Variants in MACROD2 observed in about 807,000 individuals in gnomAD.
The protein encoded by MACROD2 is mono-ADP ribosylhydrolase 2.
In MACROD2, 36 loss-of-function variants were observed where a neutral mutation model predicts 70.4. The observed-to-expected ratio is 0.51, with a 90% CI of 0.39 to 0.68. MACROD2 has a LOEUF of 0.68. Among genes scored for constraint, MACROD2 ranks in the 30% least tolerant of loss-of-function variants. The pLI, the probability that MACROD2 is intolerant of heterozygous loss-of-function variation, is 0.00. For missense variants in MACROD2, 496 were observed against 538.4 expected (o/e 0.92, Z 0.78); for synonymous variants, 172 against 178.8 (o/e 0.96, Z 0.30).
chr20:15,534,853 C>T (rs1257386328), intron 8 of MACROD2, among the ~76,000 whole-genome samples: 2 of 152,168 alleles, frequency 1.3e-5, no homozygotes, highest in Non-Finnish European at 2.9e-5. Flanking sequence ...CTAAATTCTA[C>T]TCTACATTCT....
chr20:14,070,338 TG>T (rs2053821371), intron 2 of MACROD2, among the ~76,000 whole-genome samples: 1 of 152,004 alleles, frequency 6.6e-6, no homozygotes, highest in Non-Finnish European at 1.5e-5. Context: ...TGTGTGTGTG[TG>T]TGTGTAATCT....
At chr20:15,449,701 C>T (rs2046614914) in intron 7 of MACROD2, among the ~76,000 whole-genome samples, 2 of 152,008 alleles carry the variant, frequency 1.3e-5, no homozygotes, top group Non-Finnish European at 2.9e-5. Flanking sequence ...ACATTTTAAA[C>T]ATGCACAGAG....
chr20:14,907,055 C>T (rs944085333), intron 5 of MACROD2, among the ~76,000 whole-genome samples: 4 of 152,140 alleles, frequency 2.6e-5, no homozygotes, highest in African/African-American at 9.7e-5. Flanking sequence ...TAAAACAGGA[C>T]CAGAGTGGAA....
intron 6 of MACROD2, among the ~76,000 whole-genome samples, chr20:15,362,548 AT>A (rs577585510): frequency 2.0e-5 from 3 of 151,494 alleles, no homozygotes; most frequent in Admixed American, 6.6e-5. Flanking sequence ...CATCGATACA[AT>A]TTTTTTTTCT....
intron 6 of MACROD2, among the ~76,000 whole-genome samples, chr20:15,326,872 A>T (rs996257332): frequency 1.3e-5 from 2 of 152,164 alleles, no homozygotes; most frequent in South Asian, 4.1e-4. Flanking sequence ...AAACTGGTGG[A>T]GAGCAAATCA....
chr20:14,074,444 G>T (rs1006697335), intron 2 of MACROD2, among the ~76,000 whole-genome samples: 4 of 152,148 alleles, frequency 2.6e-5, no homozygotes, highest in African/African-American at 7.2e-5. Flanking sequence ...TGATGAGTCT[G>T]ACTCCTAAAC....
At chr20:14,995,974 G>T (rs145745271) in intron 5 of MACROD2, among the ~76,000 whole-genome samples, 1 of 152,238 alleles carries the variant, frequency 6.6e-6, no homozygotes, top group East Asian at 1.9e-4. Context: ...AAATTTCTGC[G>T]CTGGAAAACA....
At chr20:15,523,704 G>A (rs1453771970) in intron 8 of MACROD2, among the ~76,000 whole-genome samples, 1 of 152,174 alleles carries the variant, frequency 6.6e-6, no homozygotes, top group African/African-American at 2.4e-5. Flanking sequence ...CTGTGGTTTA[G>A]AATAGACTGG....
intron 8 of MACROD2, among the ~76,000 whole-genome samples, chr20:15,691,311 T>C (rs1437986071): frequency 1.3e-5 from 2 of 152,226 alleles, no homozygotes; most frequent in Admixed American, 6.5e-5. Context: ...TCAGGTTATT[T>C]GTAAATTAAT....
chr20:14,720,478 G>T (rs1469091302), intron 5 of MACROD2, among the ~76,000 whole-genome samples: 1 of 143,790 alleles, frequency 7.0e-6, no homozygotes, highest in African/African-American at 2.6e-5. Context: ...TAGCATTTTG[G>T]CCTAAAGGTA....
chr20:14,856,354 G>A (rs1600728893), intron 5 of MACROD2, among the ~76,000 whole-genome samples: 1 of 152,100 alleles, frequency 6.6e-6, no homozygotes, highest in Admixed American at 6.6e-5. Context: ...TTGGATAAAG[G>A]TTTAATAAAA....
intron 9 of MACROD2, among the ~76,000 whole-genome samples, chr20:15,882,774 G>A (rs975181856): frequency 1.6e-4 from 25 of 152,162 alleles, no homozygotes; most frequent in African/African-American, 4.1e-4. Context: ...AAATCAGTGC[G>A]TGAATGAAGT....
intron 8 of MACROD2, among the ~76,000 whole-genome samples, chr20:15,710,771 T>G (rs2050614718): frequency 6.6e-6 from 1 of 152,230 alleles, no homozygotes; most frequent in Non-Finnish European, 1.5e-5. Context: ...CACTGCTGTT[T>G]TTGGCGGAAA....
intron 5 of MACROD2, among the ~76,000 whole-genome samples, chr20:14,799,126 T>TA (rs1175163110): frequency 1.3e-5 from 2 of 152,116 alleles, no homozygotes; most frequent in East Asian, 1.9e-4. Context: ...TGTAGAATTA[T>TA]AAAAAAAGTT....
intron 8 of MACROD2, among the ~76,000 whole-genome samples, chr20:15,816,760 CA>C (rs1276498855): frequency 6.6e-6 from 1 of 152,140 alleles, no homozygotes; most frequent in Non-Finnish European, 1.5e-5. Flanking sequence ...AGTCCAGATG[CA>C]AAGAAAGGAT....
intron 6 of MACROD2, among the ~76,000 whole-genome samples, chr20:15,411,028 G>A (rs1042819685): frequency 1.1e-4 from 16 of 151,960 alleles, no homozygotes; most frequent in Non-Finnish European, 1.6e-4. Flanking sequence ...CTAATATATC[G>A]TTTGCTTGTT....
chr20:15,221,217 C>T, intron 5 of MACROD2, among the ~76,000 whole-genome samples: 1 of 152,162 alleles, frequency 6.6e-6, no homozygotes, highest in East Asian at 1.9e-4. Context: ...TTGCTGACAT[C>T]TCTTGAACCA....
intron 4 of MACROD2, among the ~76,000 whole-genome samples, chr20:14,665,231 T>C (rs888191281): frequency 6.6e-6 from 1 of 152,028 alleles, no homozygotes; most frequent in Non-Finnish European, 1.5e-5. Flanking sequence ...GAATGAAATA[T>C]GTAATAGAGT....
intron 8 of MACROD2, among the ~76,000 whole-genome samples, chr20:15,559,301 A>T (rs2048211635): frequency 6.6e-6 from 1 of 152,066 alleles, no homozygotes; most frequent in Admixed American, 6.6e-5. Flanking sequence ...AGAGCCTAGA[A>T]CAATTAGATA....
Sources: allele counts gnomAD v4.1 joint callset (sites outside exome capture counted in the v4.1 genomes callset), GRCh38; gene constraint gnomAD v4.1.1; transcripts MANE v1.5; gene names NCBI Gene and HGNC (gene_info 2026-07-23, HGNC 2026-07-21).